Variants in CFAP61 observed in about 807,000 individuals in gnomAD.
CFAP61 encodes the protein cilia- and flagella-associated protein 61.
In CFAP61, 107 loss-of-function variants were observed where a neutral mutation model predicts 135.6. The ratio of observed to expected loss-of-function variants is 0.79; its 90% CI spans 0.67 to 0.93. The LOEUF (loss-of-function observed/expected upper bound fraction) is 0.93. CFAP61 is among the 40% of genes least tolerant of loss of function. The probability of loss-of-function intolerance (pLI) is 0.00; values close to 1 mark genes in which losing one functional copy is unlikely to be tolerated. For missense variants in CFAP61, 1,507 were observed against 1,556.2 expected, an observed-to-expected ratio of 0.97 and a Z score of 0.53; for synonymous variants, 575 against 578.5, an observed-to-expected ratio of 0.99 and a Z score of 0.09.
chr20:20,196,528 T>C, intron 15 of CFAP61, 42 bp from the exon 16 acceptor site: 5 of 1,445,702 alleles, frequency 3.5e-6, no homozygotes, highest in Non-Finnish European at 4.9e-6. Flanking sequence ...TGCCGTTTGT[T>C]TAAAATGCTT....
intron 21 of CFAP61, among the ~76,000 whole-genome samples, chr20:20,275,518 C>T (rs1393607243): frequency 6.6e-6 from 1 of 152,134 alleles, no homozygotes; most frequent in Non-Finnish European, 1.5e-5. Flanking sequence ...GTCCGTGGAC[C>T]ACCCTTGCTG....
At chr20:20,262,312 C>A (rs1272336745) in intron 20 of CFAP61, among the ~76,000 whole-genome samples, 1 of 152,180 alleles carries the variant, frequency 6.6e-6, no homozygotes, top group East Asian at 1.9e-4. Context: ...ATATGGACCT[C>A]TCTCTATTGG....
chr20:20,124,529 G>C (rs1398559836), intron 8 of CFAP61, among the ~76,000 whole-genome samples: 2 of 151,760 alleles, frequency 1.3e-5, no homozygotes, highest in Non-Finnish European at 2.9e-5. Flanking sequence ...CTGTTTATGT[G>C]GTGTATCACA....
intron 25 of CFAP61, among the ~76,000 whole-genome samples, chr20:20,310,184 G>A (rs931029896): frequency 2.0e-5 from 3 of 152,036 alleles, no homozygotes; most frequent in Non-Finnish European, 4.4e-5. Context: ...AGTAGAGACG[G>A]GGTTTCACCA....
chr20:20,100,451 G>A (rs767763203), intron 8 of CFAP61, among the ~76,000 whole-genome samples: 1 of 152,154 alleles, frequency 6.6e-6, no homozygotes, highest in African/African-American at 2.4e-5. Flanking sequence ...GGGATTACAG[G>A]TGTGAGCCAC....
intron 18 of CFAP61, among the ~76,000 whole-genome samples, chr20:20,236,111 G>C (rs770127172): frequency 1.2e-3 from 177 of 152,020 alleles, no homozygotes; most frequent in Non-Finnish European, 1.8e-3. Flanking sequence ...TGAGATTTTA[G>C]GGTTAATATT....
At chr20:20,167,451 C>T (rs1446306777) in intron 12 of CFAP61, among the ~76,000 whole-genome samples, 5 of 152,256 alleles carry the variant, frequency 3.3e-5, no homozygotes, top group Non-Finnish European at 5.9e-5. Context: ...TCTACTTTAA[C>T]GTCCATGTAA....
intron 25 of CFAP61, among the ~76,000 whole-genome samples, chr20:20,332,199 C>T (rs1254700181): frequency 6.6e-6 from 1 of 152,228 alleles, no homozygotes; most frequent in Non-Finnish European, 1.5e-5. Flanking sequence ...CACTGCCAAA[C>T]CCAGCTTCCC....
chr20:20,074,255 C>T, intron 3 of CFAP61, 47 bp from the exon 4 acceptor site: 1 of 1,532,970 alleles, frequency 6.5e-7, no homozygotes, highest in Non-Finnish European at 9.0e-7. Context: ...CTGACCTAGC[C>T]CGAATACTGA....
chr20:20,058,512 C>T (rs958145861), intron 2 of CFAP61, among the ~76,000 whole-genome samples: 1 of 152,200 alleles, frequency 6.6e-6, no homozygotes, highest in African/African-American at 2.4e-5. Context: ...CTACTCCCTC[C>T]ACCTAAGGAG....
At chr20:20,103,930 A>C (rs1333470240) in intron 8 of CFAP61, among the ~76,000 whole-genome samples, 2 of 152,124 alleles carry the variant, frequency 1.3e-5, no homozygotes, top group African/African-American at 2.4e-5. Context: ...AAAAAACAAA[A>C]CTTTTGTTCC....
chr20:20,303,367 A>G (rs1187084464), intron 25 of CFAP61, among the ~76,000 whole-genome samples: 1 of 152,100 alleles, frequency 6.6e-6, no homozygotes, highest in African/African-American at 2.4e-5. Flanking sequence ...AGTGTTTGGG[A>G]TGGCAAGACG....
At chr20:20,110,296 T>C (rs2048711521) in intron 8 of CFAP61, among the ~76,000 whole-genome samples, 2 of 151,988 alleles carry the variant, frequency 1.3e-5, no homozygotes, top group South Asian at 4.1e-4. Flanking sequence ...TAAAATAATA[T>C]ATAATACTAT....
intron 9 of CFAP61, among the ~76,000 whole-genome samples, chr20:20,151,077 A>AAGAATTCAGAAAGTTAT (rs1481885937): frequency 6.6e-6 from 1 of 152,138 alleles, no homozygotes; most frequent in Non-Finnish European, 1.5e-5. Context: ...TTGCCAGATA[A>AAGAATTCAGAAAGTTAT]AGAATTCAGA....
chr20:20,289,030 G>A, intron 23 of CFAP61, 94 bp downstream of exon 23: 1 of 958,244 alleles, frequency 1.0e-6, no homozygotes, highest in Non-Finnish European at 1.5e-6. Flanking sequence ...TAGGCTTGGG[G>A]AAAAGGCTCC....
intron 17 of CFAP61, among the ~76,000 whole-genome samples, chr20:20,214,786 C>G (rs952330226): frequency 3.3e-5 from 5 of 152,236 alleles, no homozygotes; most frequent in Admixed American, 6.5e-5. Context: ...GGCTCCCCTC[C>G]TGGCCTCCTC....
intron 22 of CFAP61, among the ~76,000 whole-genome samples, chr20:20,283,027 AT>A (rs1364947782): frequency 6.6e-6 from 1 of 152,080 alleles, no homozygotes; most frequent in Non-Finnish European, 1.5e-5. Context: ...TGTATTACGT[AT>A]TATGTGCTTG....
intron 7 of CFAP61, among the ~76,000 whole-genome samples, chr20:20,097,298 A>C (rs2047655308): frequency 6.6e-6 from 1 of 152,184 alleles, no homozygotes. Context: ...CACTTGAGAG[A>C]TAGGACCCAG....
intron 22 of CFAP61, among the ~76,000 whole-genome samples, chr20:20,281,886 G>A (rs1234607111): frequency 6.6e-6 from 1 of 152,084 alleles, no homozygotes; most frequent in Non-Finnish European, 1.5e-5. Context: ...AACAATCTGG[G>A]CATGGAGTTT....
Sources: allele counts gnomAD v4.1 joint callset (sites outside exome capture counted in the v4.1 genomes callset), GRCh38; gene constraint gnomAD v4.1.1; transcripts MANE v1.5; gene names NCBI Gene and HGNC (gene_info 2026-07-23, HGNC 2026-07-21).